Variants in COL6A6 observed in about 807,000 individuals in gnomAD.
COL6A6 encodes the protein collagen alpha-6(VI) chain.
In COL6A6, 183 loss-of-function variants were observed where a neutral mutation model predicts 208.6. The ratio of observed to expected loss-of-function variants is 0.88; its 90% CI spans 0.78 to 0.99. The LOEUF is 0.99. Among genes scored for constraint, COL6A6 ranks in the 50% least tolerant of loss-of-function variants. The pLI is 0.00. For missense variants in COL6A6, 2,816 were observed against 2,815.2 expected (o/e 1.00, Z -0.01); for synonymous variants, 973 against 1,011.8 (o/e 0.96, Z 0.73).
intron 31 of COL6A6, among the ~76,000 whole-genome samples, chr3:130,644,587 T>TTGTGTGTA (rs1411515731): frequency 9.2e-5 from 14 of 152,264 alleles, no homozygotes; most frequent in African/African-American, 3.1e-4. Context: ...ATAGATACAT[T>TTGTGTGTA]TGTGTGTATG....
At chr3:130,527,149 T>C (rs1191158729) in intron 1 of COL6A6, among the ~76,000 whole-genome samples, 3 of 152,196 alleles carry the variant, frequency 2.0e-5, no homozygotes, top group Non-Finnish European at 4.4e-5. Flanking sequence ...AAACTCCTAA[T>C]GGATAACTAG....
Position 130,565,595 on chromosome 3 carries a change from G to T in COL6A6, c.1263G>T (p.Arg421Ser). The T allele has an allele frequency of 6.2e-7, 1 of 1,612,106 alleles. No individual in the cohort carries two copies. Among genetic ancestry groups the T allele is most frequent in the Non-Finnish European group, 8.5e-7 (1 of 1,179,060 alleles). Reference sequence around the variant, plus strand: ...ACACAGTCTCTGTCTTTTCAGAGAGGACTGAAACGCTCAAATCTGGTAAGG... The same window carrying T: ...ACACAGTCTCTGTCTTTTCAGAGAGTACTGAAACGCTCAAATCTGGTAAGG... ...ITHTVSVFSE[R>S]TETLKSGCVD... The change falls in exon 4 of 37, where the codon AGG (arginine) becomes AGT (serine). Residue 421 changes from arginine (R) to serine (S), a missense_variant. Transcript: ENST00000358511.
chr3:130,596,944 A>T (rs951522706), intron 18 of COL6A6, among the ~76,000 whole-genome samples: 1 of 152,222 alleles, frequency 6.6e-6, no homozygotes, highest in African/African-American at 2.4e-5. Flanking sequence ...GTGGAAGATA[A>T]TGCTTTTTTA....
rs1710793099 is a variant in COL6A6 at position 130,517,346 on chromosome 3, G to A, written c.-83G>A. Among the ~76,000 whole-genome samples, 1 of 152,230 alleles carries A rather than the reference G, an allele frequency of 6.6e-6. No homozygotes were observed. The highest frequency in any genetic ancestry group is 2.4e-5 in the African/African-American group (1 of 41,472). On this transcript the variant is annotated 5_prime_UTR_variant, in exon 1 of 37. Coordinates refer to ENST00000358511, the MANE Select transcript of COL6A6 (RefSeq NM_001102608.3). Reference sequence around the variant, plus strand: ...CGCAGTGCGCGTCCAGAGGAAATCCGCCCCGGGCTTTCGAAGTGCAGGGCT... The same window carrying A: ...CGCAGTGCGCGTCCAGAGGAAATCCACCCCGGGCTTTCGAAGTGCAGGGCT...
intron 1 of COL6A6, among the ~76,000 whole-genome samples, chr3:130,537,481 G>C (rs1296089227): frequency 6.6e-6 from 1 of 152,214 alleles, no homozygotes; most frequent in Non-Finnish European, 1.5e-5. Flanking sequence ...TCAATGCAAG[G>C]TCAGACTATT....
At chr3:130,602,309 C>A (rs2064047931) in intron 20 of COL6A6, among the ~76,000 whole-genome samples, 1 of 152,194 alleles carries the variant, frequency 6.6e-6, no homozygotes. Context: ...CAGCCCTGTT[C>A]CAGGCACACA....
At chr3:130,672,960 G>A (rs1250666380) in intron 36 of COL6A6, among the ~76,000 whole-genome samples, 2 of 149,894 alleles carry the variant, frequency 1.3e-5, no homozygotes, top group East Asian at 2.0e-4. Context: ...GCAGTAAGCC[G>A]GGATCATGCC....
intron 15 of COL6A6, 134 bp downstream of exon 15, chr3:130,592,856 T>G (rs1403676304): frequency 2.1e-6 from 2 of 948,680 alleles, no homozygotes; most frequent in Non-Finnish European, 3.2e-6. Context: ...GCCATTTCAT[T>G]TTGTTTCTTC....
chr3:130,568,098 G>A lies in COL6A6; in HGVS notation c.1895G>A (p.Ser632Asn). The change falls in exon 6 of 37, where the codon AGT (serine) becomes AAT (asparagine). Residue 632 changes from serine to asparagine, a missense_variant. Ser to Asn is a conservative substitution (Grantham distance 46). Transcript: ENST00000358511. ...ATGTTTCTGGTGGACAGTTCTGGAA[G>A]TATAGGACCTGAAAACTTCAGCAAA... ...DIMFLVDSSGSIGPENFSKMK... is the reference protein window; with the variant it reads ...DIMFLVDSSGNIGPENFSKMK... 1 of 1,614,002 alleles carries A rather than the reference G, an allele frequency of 6.2e-7. No homozygotes were observed. The highest frequency in any genetic ancestry group is 8.5e-7 in the Non-Finnish European group (1 of 1,179,886).
At chr3:130,634,234 T>TAAAAAAAAAAA (rs2065035952) in intron 26 of COL6A6, among the ~76,000 whole-genome samples, 1 of 12,632 alleles carries the variant, frequency 7.9e-5, no homozygotes, top group East Asian at 1.3e-3. Context: ...AATAAATAAA[T>TAAAAAAAAAAA]AAATAAATAA....
chr3:130,603,440 G>GC (rs2064086229), intron 20 of COL6A6, among the ~76,000 whole-genome samples: 1 of 152,196 alleles, frequency 6.6e-6, no homozygotes, highest in Non-Finnish European at 1.5e-5. Context: ...GCTGTTACCA[G>GC]TGCTATGCTA....
intron 33 of COL6A6, among the ~76,000 whole-genome samples, chr3:130,649,902 T>C (rs2065583929): frequency 6.6e-6 from 1 of 152,222 alleles, no homozygotes. Flanking sequence ...TTTGCTGTTC[T>C]AGTGCTTCCC....
rs1032406551 is a variant in COL6A6, at chr3:130,534,294, T to C, written c.-32+16897T>C. Among the ~76,000 whole-genome samples, 6 of 152,188 alleles carry C rather than the reference T, an allele frequency of 3.9e-5. No homozygotes were observed. In the East Asian group the frequency reaches 1.2e-3, roughly 29 times the overall value. ...GCTAAGGATCTTTTCATGTGGCTATTGACCATTCAGATTACCTCTGCTGTG... is the reference window on the plus strand; with the variant it reads ...GCTAAGGATCTTTTCATGTGGCTATCGACCATTCAGATTACCTCTGCTGTG... On this transcript the variant is annotated intron_variant, in intron 1 of 36. Coordinates refer to ENST00000358511, the MANE Select transcript of COL6A6 (RefSeq NM_001102608.3).
At chr3:130,673,493 G>A (rs2066284326) in intron 36 of COL6A6, among the ~76,000 whole-genome samples, 1 of 151,938 alleles carries the variant, frequency 6.6e-6, no homozygotes, top group African/African-American at 2.4e-5. Flanking sequence ...CGGGGTAGGG[G>A]GACGCAGCGT....
intron 24 of COL6A6, among the ~76,000 whole-genome samples, 183 bp from the exon 25 acceptor site, chr3:130,626,302 G>A (rs892570516): frequency 1.3e-5 from 2 of 152,200 alleles, no homozygotes; most frequent in Admixed American, 1.3e-4. Context: ...AATCATGCTT[G>A]CTGAGGCTTC....
At chr3:130,567,930 A>T (rs920700500) in intron 5 of COL6A6, 117 bp from the exon 6 acceptor site, 3 of 694,060 alleles carry the variant, frequency 4.3e-6, no homozygotes, top group East Asian at 5.4e-5. Context: ...ATTTACTACT[A>T]ATTATTACTA....
At chr3:130,673,217 C>CAA (rs1211498711) in intron 36 of COL6A6, among the ~76,000 whole-genome samples, 13 of 57,572 alleles carry the variant, frequency 2.3e-4, no homozygotes, top group African/African-American at 1.6e-3. Flanking sequence ...ACAAAAAAAA[C>CAA]AAAAAAAAAA....
chr3:130,566,523 G>A (rs980552956), intron 4 of COL6A6, among the ~76,000 whole-genome samples, 179 bp from the exon 5 acceptor site: 6 of 152,178 alleles, frequency 3.9e-5, no homozygotes, highest in African/African-American at 9.7e-5. Context: ...TGTCAGAAGC[G>A]ATTCATTTGG....
At chr3:130,568,947 G>A (rs1287774841) in intron 6 of COL6A6, among the ~76,000 whole-genome samples, 1 of 152,194 alleles carries the variant, frequency 6.6e-6, no homozygotes, top group East Asian at 1.9e-4. Context: ...AGGGGTGTAG[G>A]AAACAGGTCA....
Sources: gnomAD v4.1 joint callset for allele counts (sites outside exome capture counted in the v4.1 genomes callset) on GRCh38, gnomAD v4.1.1 for gene constraint, MANE v1.5 for transcripts, NCBI Gene and HGNC (gene_info 2026-07-23, HGNC 2026-07-21) for gene names.